ACSS3: variants seen among roughly 807,000 people sequenced by gnomAD.
The protein encoded by ACSS3 is acyl-CoA synthetase short-chain family member 3, mitochondrial.
Under a neutral mutation model 84.2 loss-of-function variants are expected in ACSS3, and 64 were observed. The observed-to-expected ratio is 0.76, with a 90% CI of 0.62 to 0.94. The LOEUF (loss-of-function observed/expected upper bound fraction) is 0.94, where lower values mean the gene tolerates loss of function less well. Ranked by LOEUF, ACSS3 falls within the 40% of genes least tolerant of loss-of-function variation. The probability of loss-of-function intolerance (pLI) is 0.00; values close to 1 mark genes in which losing one functional copy is unlikely to be tolerated. For synonymous variants in ACSS3, 317 were observed against 310.1 expected (o/e 1.02, Z -0.23); for missense variants, 815 against 867.6 (o/e 0.94, Z 0.76).
At position 81,247,650 on chromosome 12, in the gene ACSS3, T is replaced by A. The variant is rs77949533; in HGVS notation, c.1720-5657T>A. Among the ~76,000 whole-genome samples, 636 of 152,214 alleles carry A rather than the reference T, an allele frequency of 4.2e-3. 8 individuals carry two copies. Among genetic ancestry groups the A allele is most frequent in the African/African-American group, 0.015 (604 of 41,562 alleles). On this transcript the variant is annotated intron_variant, in intron 13 of 15. Coordinates refer to ENST00000548058, the MANE Select transcript of ACSS3 (RefSeq NM_024560.4). ...TTATATTTGATAAGAAAATTCTATC[T>A]CAGTTTAAATCAGATTTGTCTTCTC...
intron 7 of ACSS3, among the ~76,000 whole-genome samples, chr12:81,173,575 A>C (rs564313620): frequency 7.0e-4 from 107 of 152,302 alleles, no homozygotes; most frequent in African/African-American, 2.6e-3. Context: ...AAATTATTGG[A>C]CAACTATCTT....
At chr12:81,228,484 C>A (rs375428085) in intron 11 of ACSS3, among the ~76,000 whole-genome samples, 1 of 151,758 alleles carries the variant, frequency 6.6e-6, no homozygotes, top group African/African-American at 2.4e-5. Context: ...TGGGAGACGA[C>A]GTATGCTTTC....
intron 5 of ACSS3, among the ~76,000 whole-genome samples, chr12:81,149,695 G>A (rs1886517112): frequency 6.6e-6 from 1 of 152,064 alleles, no homozygotes; most frequent in Non-Finnish European, 1.5e-5. Flanking sequence ...ACGAAAAACA[G>A]AAATTACGGC....
intron 1 of ACSS3, among the ~76,000 whole-genome samples, chr12:81,085,019 A>AT (rs11383485): frequency 0.066 from 10,029 of 152,272 alleles, 821 homozygotes; most frequent in African/African-American, 0.2. Context: ...CAAGTAAAAT[A>AT]AGTTTCTTCC....
chr12:81,208,995 GA>G (rs1418159679), intron 9 of ACSS3, among the ~76,000 whole-genome samples: 1 of 152,124 alleles, frequency 6.6e-6, no homozygotes, highest in Non-Finnish European at 1.5e-5. Context: ...CTTGGAATAA[GA>G]AAATGTTGTA....
chr12:81,135,029 A>G (rs1885712721), intron 3 of ACSS3, 25 bp downstream of exon 3: 2 of 1,540,346 alleles, frequency 1.3e-6, no homozygotes, highest in Non-Finnish European at 1.8e-6. Context: ...TTGGGAAATC[A>G]AGTAGTAGCT....
intron 7 of ACSS3, among the ~76,000 whole-genome samples, chr12:81,160,788 C>T (rs1296309971): frequency 6.6e-6 from 1 of 152,022 alleles, no homozygotes; most frequent in Non-Finnish European, 1.5e-5. Flanking sequence ...TTAGTGAATA[C>T]TTTTAGTGTT....
At chr12:81,143,294 TG>T (rs1382637659) in intron 5 of ACSS3, 47 bp downstream of exon 5, 2 of 1,442,238 alleles carry the variant, frequency 1.4e-6, no homozygotes, top group Non-Finnish European at 1.9e-6. Flanking sequence ...AGATTTACTT[TG>T]CACCAAGAAT....
At position 81,134,998 on chromosome 12, in the gene ACSS3, T is replaced by A. The variant is rs751388588; in HGVS notation, c.639T>A (p.His213Gln). ...ASKELSSRID[H>Q]VKPKVVVTAS... ...AAGAACTAAGTAGTCGCATTGATCATGTAAAGGTAAGTGCTTTATTTTGGG... is the reference window on the plus strand; with the variant it reads ...AAGAACTAAGTAGTCGCATTGATCAAGTAAAGGTAAGTGCTTTATTTTGGG... The change falls in exon 3 of 16, where the codon CAT (histidine) becomes CAA (glutamine). Residue 213 changes from histidine (H) to glutamine (Q), a missense_variant. His to Gln is a conservative substitution (Grantham distance 24). Transcript: ENST00000548058. 1.3e-6 allele frequency: 2 copies of A among 1,593,194 alleles called. No homozygotes were observed. The highest frequency in any genetic ancestry group is 1.7e-6 in the Non-Finnish European group (2 of 1,168,254).
At chr12:81,113,209 T>C (rs1472447693) in intron 2 of ACSS3, among the ~76,000 whole-genome samples, 1 of 152,106 alleles carries the variant, frequency 6.6e-6, no homozygotes, top group Non-Finnish European at 1.5e-5. Flanking sequence ...TTATATTCTG[T>C]AGGAACACAA....
intron 2 of ACSS3, among the ~76,000 whole-genome samples, chr12:81,129,452 G>C (rs1885340558): frequency 6.6e-6 from 1 of 152,092 alleles, no homozygotes; most frequent in African/African-American, 2.4e-5. Flanking sequence ...GCCTGGTGCT[G>C]CTAGACTTCA....
chr12:81,090,821 C>T (rs529238997), intron 1 of ACSS3, among the ~76,000 whole-genome samples: 1 of 152,090 alleles, frequency 6.6e-6, no homozygotes, highest in Admixed American at 6.5e-5. Flanking sequence ...TAGGGAAATA[C>T]TTCACCTATG....
At chr12:81,149,815 A>G (rs1886523833) in intron 5 of ACSS3, among the ~76,000 whole-genome samples, 1 of 152,190 alleles carries the variant, frequency 6.6e-6, no homozygotes, top group Non-Finnish European at 1.5e-5. Flanking sequence ...CACAGGGTAA[A>G]ATAAAAAGCA....
At chr12:81,128,497 G>A (rs1178538010) in intron 2 of ACSS3, among the ~76,000 whole-genome samples, 1 of 152,064 alleles carries the variant, frequency 6.6e-6, no homozygotes, top group Admixed American at 6.6e-5. Context: ...GCTCCCCTGG[G>A]ATCTGTATTG....
At chr12:81,147,724 C>G (rs1480292576) in intron 5 of ACSS3, among the ~76,000 whole-genome samples, 3 of 152,132 alleles carry the variant, frequency 2.0e-5, no homozygotes, top group Admixed American at 6.5e-5. Flanking sequence ...AGGTTTAGTG[C>G]TGACGTGTTA....
chr12:81,100,216 GTTT>G (rs34512313), intron 1 of ACSS3, among the ~76,000 whole-genome samples: 6,817 of 106,510 alleles, frequency 0.064, 236 homozygotes, highest in Middle Eastern at 0.14. Context: ...AAAATTACCA[GTTT>G]TTTTTTTTTT....
At chr12:81,193,392 T>A (rs1223265652) in intron 8 of ACSS3, among the ~76,000 whole-genome samples, 2 of 152,112 alleles carry the variant, frequency 1.3e-5, no homozygotes, top group Non-Finnish European at 2.9e-5. Flanking sequence ...AGATTTGTCT[T>A]TAGCTTTTTA....
chr12:81,215,693 C>T (rs932690294), intron 9 of ACSS3, among the ~76,000 whole-genome samples: 2 of 152,102 alleles, frequency 1.3e-5, no homozygotes, highest in African/African-American at 4.8e-5. Flanking sequence ...AAGTAATTCC[C>T]AAACTTTTCA....
intron 7 of ACSS3, among the ~76,000 whole-genome samples, chr12:81,155,250 C>T (rs1886806379): frequency 6.6e-6 from 1 of 152,246 alleles, no homozygotes; most frequent in South Asian, 2.1e-4. Flanking sequence ...TCACTTTGGT[C>T]CTTAACATTA....
Sources: gnomAD v4.1 joint callset for allele counts (sites outside exome capture counted in the v4.1 genomes callset) on GRCh38, gnomAD v4.1.1 for gene constraint, MANE v1.5 for transcripts, NCBI Gene and HGNC (gene_info 2026-07-23, HGNC 2026-07-21) for gene names.